RASAL2: variants seen among roughly 807,000 people sequenced by gnomAD.
RASAL2 encodes ras GTPase-activating protein nGAP.
In RASAL2, 58 loss-of-function variants were observed where a neutral mutation model predicts 128.9. That is an observed-to-expected ratio of 0.45 (90% CI 0.36 to 0.56). The LOEUF is 0.56. Among genes scored for constraint, RASAL2 ranks in the 20% least tolerant of loss-of-function variants. RASAL2 has a pLI of 0.00. For synonymous variants in RASAL2, 561 were observed against 580.8 expected (o/e 0.97, Z 0.49); for missense variants, 1,360 against 1,601.6 (o/e 0.85, Z 2.57).
chr1:178,443,884 C>T (rs1294633492), intron 8 of RASAL2, among the ~76,000 whole-genome samples: 1 of 152,090 alleles, frequency 6.6e-6, no homozygotes, highest in Non-Finnish European at 1.5e-5. Context: ...GGAAGAGTTA[C>T]CGTTATACTG....
At chr1:178,399,674 A>T (rs775116316) in intron 4 of RASAL2, among the ~76,000 whole-genome samples, 1 of 152,154 alleles carries the variant, frequency 6.6e-6, no homozygotes, top group Non-Finnish European at 1.5e-5. Context: ...GGAGACAAAA[A>T]CTACTGAAGA....
rs200297561 is a variant in RASAL2, at chr1:178,445,577, G to A, written c.1542G>A (p.Leu514=). Reference sequence around the variant, plus strand: ...ATCGTTGTGGAGAGCATGATGTCTTGATCTTCAGAGAGAACACTATTGCCA... The same window carrying A: ...ATCGTTGTGGAGAGCATGATGTCTTAATCTTCAGAGAGAACACTATTGCCA... ...EVDRCGEHDV[L]IFRENTIATK... is the part of the protein sequence containing the mutation. Residue 514 remains leucine (L), a synonymous_variant, in exon 9 of 18, where the codon TTG becomes TTA. Transcript: ENST00000367649. The A allele has an allele frequency of 1.2e-4, 194 of 1,613,784 alleles. No homozygotes were observed. The highest frequency in any genetic ancestry group is 1.5e-4 in the Non-Finnish European group (173 of 1,179,830).
At chr1:178,328,094 T>C (rs952208020) in intron 3 of RASAL2, among the ~76,000 whole-genome samples, 1 of 152,184 alleles carries the variant, frequency 6.6e-6, no homozygotes, top group Admixed American at 6.5e-5. Flanking sequence ...TTTTTTAAGT[T>C]ACTCTGTTTG....
chr1:178,375,497 G>A (rs1671938984), intron 3 of RASAL2, among the ~76,000 whole-genome samples: 1 of 152,126 alleles, frequency 6.6e-6, no homozygotes, highest in Non-Finnish European at 1.5e-5. Context: ...GTACAGGTAT[G>A]CAATAAGTGC....
chr1:178,168,077 G>A (rs1450402425), intron 1 of RASAL2, among the ~76,000 whole-genome samples: 2 of 152,084 alleles, frequency 1.3e-5, no homozygotes, highest in Admixed American at 1.3e-4. Flanking sequence ...GGCACAAGCA[G>A]ATGGCATCCT....
At chr1:178,336,754 C>T (rs906160431) in intron 3 of RASAL2, among the ~76,000 whole-genome samples, 1 of 152,026 alleles carries the variant, frequency 6.6e-6, no homozygotes, top group Non-Finnish European at 1.5e-5. Flanking sequence ...GTCCTTGGCT[C>T]TCTGAGCATA....
chr1:178,167,080 A>G (rs774033633), intron 1 of RASAL2, among the ~76,000 whole-genome samples: 4 of 152,180 alleles, frequency 2.6e-5, no homozygotes, highest in Non-Finnish European at 4.4e-5. Flanking sequence ...GATAAATCCA[A>G]TAAGACTTTC....
intron 1 of RASAL2, among the ~76,000 whole-genome samples, chr1:178,211,371 G>A (rs1342769625): frequency 6.6e-6 from 1 of 152,000 alleles, no homozygotes; most frequent in Non-Finnish European, 1.5e-5. Flanking sequence ...CCTGCTCGTT[G>A]CCAGAAAGAG....
At chr1:178,250,063 G>A (rs1664969225) in intron 1 of RASAL2, among the ~76,000 whole-genome samples, 1 of 152,278 alleles carries the variant, frequency 6.6e-6, no homozygotes, top group African/African-American at 2.4e-5. Flanking sequence ...GAGGCAGTCT[G>A]TCCCTTAGCA....
At chr1:178,391,315 A>G (rs1423394825) in intron 4 of RASAL2, among the ~76,000 whole-genome samples, 2 of 152,212 alleles carry the variant, frequency 1.3e-5, no homozygotes. Context: ...TTTTTTTAAA[A>G]AGTGGAACTA....
chr1:178,260,193 A>T (rs563789477), intron 1 of RASAL2, among the ~76,000 whole-genome samples: 1 of 149,688 alleles, frequency 6.7e-6, no homozygotes. Context: ...TCTACTAAAA[A>T]TACAAAAAAA....
At chr1:178,275,597 C>G (rs1269773190) in intron 1 of RASAL2, among the ~76,000 whole-genome samples, 3 of 152,184 alleles carry the variant, frequency 2.0e-5, no homozygotes, top group Non-Finnish European at 4.4e-5. Context: ...AGTTGTCTGC[C>G]ATAAATAAGT....
intron 1 of RASAL2, among the ~76,000 whole-genome samples, chr1:178,164,823 T>TTGTGTGTGTGTGTGTG (rs200932615): frequency 3.0e-5 from 4 of 132,000 alleles, no homozygotes; most frequent in South Asian, 2.5e-4. Flanking sequence ...CATCAAACGT[T>TTGTGTGTGTGTGTGTG]TGTGTGTGTG....
chr1:178,257,421 A>ATGTGTGTGTGTG (rs1491588452), intron 1 of RASAL2, among the ~76,000 whole-genome samples: 11 of 114,656 alleles, frequency 9.6e-5, no homozygotes, highest in African/African-American at 3.5e-4. Context: ...TGGCTCAGGG[A>ATGTGTGTGTGTG]TATGTGTGTG....
Position 178,199,383 on chromosome 1 carries a change from G to A in RASAL2, c.203-84181G>A, listed in dbSNP as rs148870428. Reference sequence around the variant, plus strand: ...AATGCAGAAATCACCTGTCTTCTACGTTGATCATGCTAGGAGCTGCAGACC... The same window carrying A: ...AATGCAGAAATCACCTGTCTTCTACATTGATCATGCTAGGAGCTGCAGACC... On this transcript the variant is annotated intron_variant, in intron 1 of 17. Coordinates refer to ENST00000367649, the MANE Select transcript of RASAL2 (RefSeq NM_170692.4). 1.4e-4 allele frequency among the ~76,000 whole-genome samples: 21 copies of A among 152,280 alleles called. No homozygotes were observed. In the East Asian group the frequency reaches 1.7e-3, roughly 13 times the overall value.
In RASAL2 at chr1:178,456,890, C is replaced by G; in HGVS notation, c.2381C>G (p.Pro794Arg). The change falls in exon 13 of 18, where the codon CCC becomes CGC. Residue 794 changes from proline (P) to arginine (R), a missense_variant. This residue lies in a region of RASAL2 where 741 missense variants were observed against 868.6 expected (regional missense o/e 0.85). Transcript: ENST00000367649. ...GGGCTGCAGAAAATATTTGAAGACCCCACTGACAGGTATGAAAGAGAGAAT... is the reference window on the plus strand; with the variant it reads ...GGGCTGCAGAAAATATTTGAAGACCGCACTGACAGGTATGAAAGAGAGAAT... ...SSGLQKIFED[P>R]TDSDLHKLKS... is the part of the protein sequence containing the mutation. The G allele has an allele frequency of 6.2e-7, 1 of 1,613,656 alleles. No individual in the cohort carries two copies. The highest frequency in any genetic ancestry group is 2.2e-5 in the East Asian group (1 of 44,878).
intron 9 of RASAL2, 115 bp downstream of exon 9, chr1:178,445,777 C>T: frequency 8.9e-7 from 1 of 1,121,480 alleles, no homozygotes. Context: ...CTAGCTGACT[C>T]AGGTGTTAAG....
intron 5 of RASAL2, among the ~76,000 whole-genome samples, chr1:178,430,243 A>G (rs1572059136): frequency 6.6e-6 from 1 of 151,940 alleles, no homozygotes; most frequent in Non-Finnish European, 1.5e-5. Context: ...AAATTACTGG[A>G]CTCCAAGCCA....
At chr1:178,289,745 TCTCCATTAATGACAA>T (rs1667192615) in intron 2 of RASAL2, among the ~76,000 whole-genome samples, 1 of 152,146 alleles carries the variant, frequency 6.6e-6, no homozygotes, top group Admixed American at 6.5e-5. Context: ...AGGTAAGTTA[TCTCCATTAATGACAA>T]CTCCATCCTT....
Sources: gnomAD v4.1 joint callset for allele counts (sites outside exome capture counted in the v4.1 genomes callset) on GRCh38, gnomAD v4.1.1 for gene constraint, gnomAD v4.1.1 regional missense constraint, MANE v1.5 for transcripts, NCBI Gene and HGNC (gene_info 2026-07-23, HGNC 2026-07-21) for gene names.